TTC29: variants seen among roughly 807,000 people sequenced by gnomAD.
TTC29 encodes tetratricopeptide repeat protein 29.
A neutral mutation model predicts 58.1 loss-of-function variants in TTC29; 49 were observed. That is an observed-to-expected ratio of 0.84 (90% confidence interval 0.67 to 1.07). TTC29 has a LOEUF of 1.07. Among genes scored for constraint, TTC29 ranks in the 50% least tolerant of loss-of-function variants. The pLI is 0.00. For missense variants in TTC29, 582 were observed against 555.6 expected (o/e 1.05, Z -0.48); for synonymous variants, 209 against 196.8 (o/e 1.06, Z -0.52).
intron 6 of TTC29, among the ~76,000 whole-genome samples, chr4:146,880,476 G>A (rs1418567697): frequency 1.3e-5 from 2 of 152,104 alleles, no homozygotes; most frequent in Non-Finnish European, 2.9e-5. Context: ...ACTGCAAAAT[G>A]CTTGGTAGAA....
At chr4:146,851,586 T>C (rs1295332512) in intron 8 of TTC29, among the ~76,000 whole-genome samples, 3 of 152,250 alleles carry the variant, frequency 2.0e-5, no homozygotes, top group Non-Finnish European at 4.4e-5. Flanking sequence ...GAGTTGCTAG[T>C]AGATAGCAAA....
chr4:146,742,648 CCTTCCTTCCTTCTTTA>C (rs1745248730), intron 11 of TTC29, among the ~76,000 whole-genome samples: 1 of 124,848 alleles, frequency 8.0e-6, no homozygotes, highest in African/African-American at 3.0e-5. Context: ...TTCCTTCTTT[CCTTCCTTCCTTCTTTA>C]CTTCAATTCC....
At chr4:146,765,981 G>A (rs1413781394) in intron 11 of TTC29, among the ~76,000 whole-genome samples, 1 of 152,054 alleles carries the variant, frequency 6.6e-6, no homozygotes, top group Non-Finnish European at 1.5e-5. Flanking sequence ...TTCTCAAGGA[G>A]AGCAAAACAC....
intron 8 of TTC29, among the ~76,000 whole-genome samples, chr4:146,847,559 A>C (rs959851331): frequency 6.6e-6 from 1 of 152,200 alleles, no homozygotes; most frequent in Non-Finnish European, 1.5e-5. Flanking sequence ...ACTGAGGCAG[A>C]GACAGGGAGG....
intron 11 of TTC29, among the ~76,000 whole-genome samples, chr4:146,775,344 A>G (rs1748011606): frequency 6.6e-6 from 1 of 152,084 alleles, no homozygotes; most frequent in African/African-American, 2.4e-5. Context: ...TATAGTGCCA[A>G]TAGTCTATGT....
At chr4:146,731,441 G>A (rs1456993220) in intron 11 of TTC29, among the ~76,000 whole-genome samples, 1 of 152,144 alleles carries the variant, frequency 6.6e-6, no homozygotes, top group Admixed American at 6.6e-5. Context: ...CTGCATAGCT[G>A]TATGTTTTTC....
intron 11 of TTC29, among the ~76,000 whole-genome samples, chr4:146,733,939 ATGATT>A (rs1744531184): frequency 6.6e-6 from 1 of 152,130 alleles, no homozygotes; most frequent in Admixed American, 6.6e-5. Context: ...AATAGCATCA[ATGATT>A]TGAAATGTTT....
rs536456237 is a variant in TTC29 at position 146,743,992 on chromosome 4, C to T, written c.1331-36441G>A. On this transcript the variant is annotated intron_variant, in intron 11 of 12. Coordinates refer to ENST00000325106, the MANE Select transcript of TTC29 (RefSeq NM_031956.4). ...TTCATTCAATCCAAGGAGCAAATGC[C>T]AGCAAACCTACATGACCAGATATGA... Among the ~76,000 whole-genome samples, 3 of 152,234 alleles carry T rather than the reference C, an allele frequency of 2.0e-5. No individual in the cohort carries two copies. The East Asian group carries it at 5.8e-4, about 29-fold the overall frequency.
Position 146,758,940 on chromosome 4 carries a change from A to T in TTC29, c.1330+44517T>A, listed in dbSNP as rs1746661166. Among the ~76,000 whole-genome samples, 6 of 152,236 alleles carry T rather than the reference A, an allele frequency of 3.9e-5. No individual in the cohort carries two copies. In the South Asian group the frequency reaches 1.2e-3, roughly 32 times the overall value. ...GGTCACAACTCAAGGAACTAGAGAAACAAGAACAAACCAAACCCACACCCA... is the reference window on the plus strand; with the variant it reads ...GGTCACAACTCAAGGAACTAGAGAATCAAGAACAAACCAAACCCACACCCA... On this transcript the variant is annotated intron_variant, in intron 11 of 12. Coordinates refer to ENST00000325106, the MANE Select transcript of TTC29 (RefSeq NM_031956.4).
At chr4:146,829,629 A>G (rs982909670) in intron 9 of TTC29, among the ~76,000 whole-genome samples, 1 of 152,190 alleles carries the variant, frequency 6.6e-6, no homozygotes, top group African/African-American at 2.4e-5. Flanking sequence ...TAAAGAATAT[A>G]TGAAAATTAC....
Position 146,942,566 on chromosome 4 carries a change from G to T in TTC29, c.-7+2465C>A, listed in dbSNP as rs1276303413. Reference sequence around the variant, plus strand: ...AAGGGACACCAAAGCTCCCCAAACGGGCCTCCCAAGAGCTTACTTCAGAGG... The same window carrying T: ...AAGGGACACCAAAGCTCCCCAAACGTGCCTCCCAAGAGCTTACTTCAGAGG... On this transcript the variant is annotated intron_variant, in intron 2 of 12. Coordinates refer to ENST00000325106, the MANE Select transcript of TTC29 (RefSeq NM_031956.4). 5.3e-6 allele frequency: 8 copies of T among 1,517,206 alleles called. No homozygotes were observed. The Admixed American group carries it at 1.6e-4, about 30-fold the overall frequency. 94.0% of individuals were successfully genotyped at this position (1,517,206 alleles called of 1,614,324 possible). A position where few individuals can be genotyped will look rare whatever the true frequency, so the allele number is the denominator to read the frequency against.
intron 8 of TTC29, among the ~76,000 whole-genome samples, chr4:146,853,154 TTA>T (rs1729619123): frequency 6.6e-6 from 1 of 152,138 alleles, no homozygotes; most frequent in African/African-American, 2.4e-5. Flanking sequence ...AGTTTTTCTT[TTA>T]TTTTTTATTA....
At chr4:146,715,682 G>A (rs766459351) in intron 11 of TTC29, among the ~76,000 whole-genome samples, 4 of 152,116 alleles carry the variant, frequency 2.6e-5, no homozygotes, top group Non-Finnish European at 5.9e-5. Flanking sequence ...TAGGAGGAAT[G>A]AAGTCTGGTG....
intron 11 of TTC29, among the ~76,000 whole-genome samples, chr4:146,739,066 A>T (rs1050965839): frequency 6.6e-6 from 1 of 152,250 alleles, no homozygotes; most frequent in South Asian, 2.1e-4. Flanking sequence ...TTTAGAAAAT[A>T]TAAACTTTCA....
chr4:146,739,976 A>G (rs1745002278), intron 11 of TTC29, among the ~76,000 whole-genome samples: 1 of 152,126 alleles, frequency 6.6e-6, no homozygotes, highest in African/African-American at 2.4e-5. Flanking sequence ...AGTCCTAGGA[A>G]AAGTCTCCTA....
intron 4 of TTC29, 146 bp downstream of exon 4, chr4:146,937,448 C>T: frequency 1.7e-6 from 1 of 589,900 alleles, no homozygotes. Flanking sequence ...ATAGACATGA[C>T]TTATCACTAT....
At chr4:146,895,447 T>C (rs1732705225) in intron 6 of TTC29, among the ~76,000 whole-genome samples, 1 of 152,178 alleles carries the variant, frequency 6.6e-6, no homozygotes. Flanking sequence ...GGGGACTTCC[T>C]CTCTCCTTCA....
Position 146,833,836 on chromosome 4 carries a change from C to A in TTC29, c.947G>T (p.Gly316Val), listed in dbSNP as rs778155843. Residue 316 changes from glycine (G) to valine (V), a missense_variant, in exon 9 of 13, where the codon GGC (glycine) becomes GTC (valine). By Grantham distance (109) the Gly-to-Val change is moderately radical. Coordinates refer to ENST00000325106, the MANE Select transcript of TTC29 (RefSeq NM_031956.4). Reference sequence around the variant, plus strand: ...CAGGACCTTGGCTATGGCTTCATAGCCTCTCCCCAGACTGAGATCATCATC... The same window carrying A: ...CAGGACCTTGGCTATGGCTTCATAGACTCTCCCCAGACTGAGATCATCATC... ...DLDDDLSLGR[G>V]YEAIAKVLQS... 12 of 1,613,126 alleles carry A rather than the reference C, an allele frequency of 7.4e-6. No homozygotes were observed. The highest frequency in any genetic ancestry group is 2.7e-5 in the African/African-American group (2 of 74,892).
In TTC29 at chr4:146,889,028, T is replaced by C. The variant is rs532841754; in HGVS notation, c.587-14100A>G. ...GCTACACTTGAGTGATGCTCAAATG[T>C]CATTTTAAGTAACAAGGCCAAGATA... is the stretch of plus-strand genomic sequence containing the variant. On this transcript the variant is annotated intron_variant, in intron 6 of 12. Transcript: ENST00000325106. 7.2e-5 allele frequency among the ~76,000 whole-genome samples: 11 copies of C among 152,330 alleles called. No individual in the cohort carries two copies. In the South Asian group the frequency reaches 1.7e-3, roughly 23 times the overall value.
Sources: allele counts gnomAD v4.1 joint callset (sites outside exome capture counted in the v4.1 genomes callset), GRCh38; gene constraint gnomAD v4.1.1; transcripts MANE v1.5; gene names NCBI Gene and HGNC (gene_info 2026-07-23, HGNC 2026-07-21).